Variants in NT5DC1 observed in about 807,000 individuals in gnomAD.
NT5DC1 encodes 5'-nucleotidase domain-containing protein 1.
Under a neutral mutation model 59.4 loss-of-function variants are expected in NT5DC1, and 42 were observed. The observed-to-expected ratio is 0.71, with a 90% CI of 0.55 to 0.92. The LOEUF (loss-of-function observed/expected upper bound fraction) is 0.92. NT5DC1 is among the 40% of genes least tolerant of loss of function. The probability of loss-of-function intolerance (pLI) is 0.00; values close to 1 mark genes in which losing one functional copy is unlikely to be tolerated. For synonymous variants in NT5DC1, 172 were observed against 188.1 expected (o/e 0.91, Z 0.70); for missense variants, 501 against 537.1 (o/e 0.93, Z 0.66).
intron 6 of NT5DC1, among the ~76,000 whole-genome samples, chr6:116,177,083 T>C (rs1325658721): frequency 6.6e-6 from 1 of 152,198 alleles, no homozygotes; most frequent in African/African-American, 2.4e-5. Flanking sequence ...GTTTCTGTTA[T>C]AATATGTGGA....
intron 3 of NT5DC1, among the ~76,000 whole-genome samples, chr6:116,110,212 G>A (rs1778846009): frequency 6.6e-6 from 1 of 152,194 alleles, no homozygotes; most frequent in African/African-American, 2.4e-5. Flanking sequence ...TTTCTCTGTA[G>A]CATAGGATTC....
intron 6 of NT5DC1, chr6:116,120,260 G>C (rs770382060): frequency 6.2e-7 from 1 of 1,614,184 alleles, no homozygotes; most frequent in Non-Finnish European, 8.5e-7. Flanking sequence ...CATTACAGGG[G>C]TGCCATTCTT....
chr6:116,142,000 C>G (rs968382699), intron 6 of NT5DC1, among the ~76,000 whole-genome samples: 2 of 151,220 alleles, frequency 1.3e-5, no homozygotes, highest in Non-Finnish European at 2.9e-5. Flanking sequence ...GACAAAGTTA[C>G]TTAGATGAAA....
At chr6:116,238,599 A>G (rs952406916) in intron 10 of NT5DC1, among the ~76,000 whole-genome samples, 1 of 152,094 alleles carries the variant, frequency 6.6e-6, no homozygotes, top group African/African-American at 2.4e-5. Flanking sequence ...AATACTAAAT[A>G]TGAAAATTAG....
In NT5DC1 at chr6:116,162,369, A is replaced by G. The variant is rs551279481; in HGVS notation, c.529+44424A>G. ...TGTCTTGGTCCAGTTCTTAAAGGAA[A>G]TGCTTTCAATTTTTCCCTGTAAGTA... On this transcript the variant is annotated intron_variant, in intron 6 of 11. Coordinates refer to ENST00000319550, the MANE Select transcript of NT5DC1 (RefSeq NM_152729.3). Among the ~76,000 whole-genome samples, 10 of 152,290 alleles carry G rather than the reference A, an allele frequency of 6.6e-5. 1 individual carries two copies. In the South Asian group the frequency reaches 2.1e-3, roughly 32 times the overall value.
At chr6:116,101,928 G>A (rs1393143890) in intron 1 of NT5DC1, among the ~76,000 whole-genome samples, 2 of 152,202 alleles carry the variant, frequency 1.3e-5, no homozygotes, top group African/African-American at 4.8e-5. Flanking sequence ...CCTAGCTTAG[G>A]ACACCAGCTC....
intron 6 of NT5DC1, among the ~76,000 whole-genome samples, chr6:116,155,549 A>G (rs1228412903): frequency 6.6e-6 from 1 of 152,112 alleles, no homozygotes; most frequent in Non-Finnish European, 1.5e-5. Flanking sequence ...AACAATTTAA[A>G]ATGACTTTGA....
chr6:116,202,087 AG>A lies in NT5DC1; in HGVS notation c.530-18966del, dbSNP rs1401961895. Among the ~76,000 whole-genome samples, 4 of 151,948 alleles carry A rather than the reference AG, an allele frequency of 2.6e-5. No individual in the cohort carries two copies. In the East Asian group the frequency reaches 5.8e-4, roughly 22 times the overall value. On this transcript the variant is annotated intron_variant, in intron 6 of 11. Coordinates refer to ENST00000319550, the MANE Select transcript of NT5DC1 (RefSeq NM_152729.3). ...ACCGAGCACTTGAAATGTGGCAGGG[AG>A]TTGCAGGAACTGACTTAAATTTTAC...
chr6:116,169,041 C>T (rs139679122), intron 6 of NT5DC1, among the ~76,000 whole-genome samples: 1 of 152,268 alleles, frequency 6.6e-6, no homozygotes, highest in East Asian at 1.9e-4. Flanking sequence ...CAGGCACTGG[C>T]CTCCATTTTT....
intron 6 of NT5DC1, among the ~76,000 whole-genome samples, chr6:116,182,472 A>G (rs565251087): frequency 1.3e-5 from 2 of 152,106 alleles, no homozygotes; most frequent in African/African-American, 2.4e-5. Context: ...ACTGTTTTCC[A>G]TAGTGGTTGT....
At chr6:116,124,007 A>T (rs1779215612) in intron 6 of NT5DC1, among the ~76,000 whole-genome samples, 1 of 152,146 alleles carries the variant, frequency 6.6e-6, no homozygotes, top group South Asian at 2.1e-4. Flanking sequence ...TTGTTGCTTC[A>T]AGTAAAGCGG....
chr6:116,186,609 G>T (rs1404411623), intron 6 of NT5DC1, among the ~76,000 whole-genome samples: 1 of 151,948 alleles, frequency 6.6e-6, no homozygotes, highest in Non-Finnish European at 1.5e-5. Flanking sequence ...GTTGGATTGA[G>T]TTAATTTGAA....
At chr6:116,190,503 A>G (rs2114490788) in intron 6 of NT5DC1, among the ~76,000 whole-genome samples, 1 of 152,118 alleles carries the variant, frequency 6.6e-6, no homozygotes, top group East Asian at 1.9e-4. Context: ...TCTGGAGAAA[A>G]CAAAACAAGC....
chr6:116,148,978 T>C (rs961857299), intron 6 of NT5DC1, among the ~76,000 whole-genome samples: 2 of 152,186 alleles, frequency 1.3e-5, no homozygotes. Flanking sequence ...TACTAAACAT[T>C]TAAGTGATGA....
intron 8 of NT5DC1, among the ~76,000 whole-genome samples, chr6:116,227,128 A>G (rs1322562140): frequency 6.6e-6 from 1 of 152,066 alleles, no homozygotes; most frequent in Admixed American, 6.5e-5. Context: ...ACATCTCCTA[A>G]TACCCCTACC....
intron 6 of NT5DC1, among the ~76,000 whole-genome samples, chr6:116,220,122 C>CTTTTTTTTTTTTTTTTTTTTTTTTT (rs60827021): frequency 2.0e-5 from 2 of 98,620 alleles, no homozygotes; most frequent in African/African-American, 8.7e-5. Flanking sequence ...GCTGTTTAAC[C>CTTTTTTTTTTTTTTTTTTTTTTTTT]TTTTTTTTTT....
At chr6:116,121,671 G>A in intron 6 of NT5DC1, 1 of 1,613,798 alleles carries the variant, frequency 6.2e-7, no homozygotes, top group Non-Finnish European at 8.5e-7. Context: ...ATTCCAGCCG[G>A]TCCAGGGATT....
At chr6:116,196,763 ACTCT>A (rs914589372) in intron 6 of NT5DC1, among the ~76,000 whole-genome samples, 11 of 151,156 alleles carry the variant, frequency 7.3e-5, no homozygotes, top group Admixed American at 6.6e-5. Flanking sequence ...ATGCTGGCTC[ACTCT>A]CTCCACCTTT....
At position 116,114,976 on chromosome 6, in the gene NT5DC1, C is replaced by G. The variant is rs555397331; in HGVS notation, c.365-715C>G. On this transcript the variant is annotated intron_variant, in intron 4 of 11. Transcript: ENST00000319550. Reference sequence around the variant, plus strand: ...CTATTAGCATAGCAGTGGCTGCAATCAGACGCAGGCCAAGGGGATGTGACA... The same window carrying G: ...CTATTAGCATAGCAGTGGCTGCAATGAGACGCAGGCCAAGGGGATGTGACA... Among the ~76,000 whole-genome samples the G allele has an allele frequency of 5.3e-5, 8 of 152,322 alleles. No individual in the cohort carries two copies. In the South Asian group the frequency reaches 1.7e-3, roughly 32 times the overall value.
Sources: gnomAD v4.1 joint callset for allele counts (sites outside exome capture counted in the v4.1 genomes callset) on GRCh38, gnomAD v4.1.1 for gene constraint, MANE v1.5 for transcripts, NCBI Gene and HGNC (gene_info 2026-07-23, HGNC 2026-07-21) for gene names.